The following CDHR2 variants were observed in gnomAD, a reference collection of about 807,000 sequenced individuals.
The protein encoded by CDHR2 is cadherin related family member 2.
In CDHR2, 104 loss-of-function variants were observed where a neutral mutation model predicts 138.6. That is an observed-to-expected ratio of 0.75 (90% CI 0.64 to 0.88). CDHR2 has a LOEUF of 0.88. Among genes scored for constraint, CDHR2 ranks in the 40% least tolerant of loss-of-function variants. CDHR2 has a pLI of 0.00. For missense variants in CDHR2, 1,624 were observed against 1,727.6 expected, an observed-to-expected ratio of 0.94 and a Z score of 1.06; for synonymous variants, 755 against 742.8, an observed-to-expected ratio of 1.02 and a Z score of -0.27.
intron 15 of CDHR2, 109 bp from the exon 16 acceptor site, chr5:176,578,256 T>C: frequency 8.2e-7 from 1 of 1,212,860 alleles, no homozygotes; most frequent in Non-Finnish European, 1.2e-6. Context: ...ATGAATATGT[T>C]GCATATACTG....
intron 24 of CDHR2, 25 bp downstream of exon 24, chr5:176,589,641 A>T (rs899901579): frequency 6.2e-7 from 1 of 1,605,560 alleles, no homozygotes; most frequent in Admixed American, 1.7e-5. Context: ...CCCCGGAGGG[A>T]GGGGTAGGAA....
intron 21 of CDHR2, among the ~76,000 whole-genome samples, chr5:176,588,545 GTGTA>G (rs1184108315): frequency 6.6e-6 from 1 of 151,676 alleles, no homozygotes; most frequent in Non-Finnish European, 1.5e-5. Flanking sequence ...GGGTGAGTGA[GTGTA>G]TGTGTGAGTG....
intron 1 of CDHR2, among the ~76,000 whole-genome samples, chr5:176,560,246 A>G (rs1757934903): frequency 6.6e-6 from 1 of 152,018 alleles, no homozygotes; most frequent in Non-Finnish European, 1.5e-5. Flanking sequence ...AAAATACAAA[A>G]ATTAGCCAGG....
chr5:176,569,033 G>A, intron 5 of CDHR2, 23 bp downstream of exon 5: 1 of 1,613,192 alleles, frequency 6.2e-7, no homozygotes. Context: ...GTGCAGGGGG[G>A]TAGACAGGGA....
chr5:176,565,681 A>G lies in CDHR2; in HGVS notation c.62A>G (p.Asn21Ser). ...LPALVVSVAA[N>S]VAPKFLANMT... is the part of the protein sequence containing the mutation. The stretch of plus-strand genomic sequence containing the variant: ...CACTGTGTCCCTACAGTGGCAGCCA[A>G]CGTGGCCCCGAAGTTCCTAGCCAAC... Residue 21 changes from asparagine (N) to serine (S), a missense_variant, in exon 3 of 32, where the codon AAC becomes AGC. By Grantham distance (46) the Asn-to-Ser change is conservative. Coordinates refer to ENST00000261944, the MANE Select transcript of CDHR2 (RefSeq NM_017675.6). The G allele has an allele frequency of 6.2e-7, 1 of 1,613,784 alleles. No individual in the cohort carries two copies.
intron 17 of CDHR2, among the ~76,000 whole-genome samples, chr5:176,582,280 A>C (rs1758550249): frequency 6.6e-6 from 1 of 152,058 alleles, no homozygotes; most frequent in Admixed American, 6.5e-5. Flanking sequence ...TTGGCCTCCT[A>C]AGTAGCTAAG....
At chr5:176,554,456 G>A (rs936455348) in intron 1 of CDHR2, among the ~76,000 whole-genome samples, 5 of 152,300 alleles carry the variant, frequency 3.3e-5, no homozygotes, top group Admixed American at 6.5e-5. Context: ...CTCATCCCCC[G>A]CTGCCTACCC....
intron 5 of CDHR2, among the ~76,000 whole-genome samples, chr5:176,569,872 A>G (rs1377058888): frequency 6.6e-6 from 1 of 151,718 alleles, no homozygotes; most frequent in East Asian, 2.0e-4. Flanking sequence ...AGGCACAAGA[A>G]TCGCTTGAAC....
At chr5:176,560,194 C>T (rs777010073) in intron 1 of CDHR2, among the ~76,000 whole-genome samples, 3 of 152,070 alleles carry the variant, frequency 2.0e-5, no homozygotes, top group Non-Finnish European at 4.4e-5. Flanking sequence ...GTCAGGAGTT[C>T]GAGACCAGCC....
chr5:176,571,881 C>T (rs1479557713), intron 6 of CDHR2, among the ~76,000 whole-genome samples: 1 of 152,102 alleles, frequency 6.6e-6, no homozygotes, highest in Non-Finnish European at 1.5e-5. Flanking sequence ...TCAGGCATGG[C>T]TAGATCCAGG....
intron 16 of CDHR2, 143 bp from the exon 17 acceptor site, chr5:176,581,199 TG>T: frequency 1.9e-6 from 2 of 1,069,460 alleles, no homozygotes; most frequent in African/African-American, 1.6e-5. Context: ...GATGGGAAAC[TG>T]GGGCTGGGAG....
chr5:176,545,803 C>T (rs1422065376), upstream of CDHR2, among the ~76,000 whole-genome samples: 1 of 152,234 alleles, frequency 6.6e-6, no homozygotes, highest in Non-Finnish European at 1.5e-5. Context: ...GGACCTAGAC[C>T]TGGACCTGGA....
chr5:176,570,066 G>A (rs147040703), intron 5 of CDHR2, among the ~76,000 whole-genome samples: 2 of 152,162 alleles, frequency 1.3e-5, no homozygotes, highest in Admixed American at 6.5e-5. Flanking sequence ...ACTTCTCAGC[G>A]CTGAGGTACA....
intron 17 of CDHR2, 74 bp from the exon 18 acceptor site, chr5:176,584,116 T>G: frequency 9.0e-6 from 11 of 1,219,124 alleles, no homozygotes; most frequent in Non-Finnish European, 1.3e-5. Context: ...AGCACAGGGA[T>G]TATTGGTTTC....
At chr5:176,593,921 G>A (rs1173112923) in intron 31 of CDHR2, among the ~76,000 whole-genome samples, 2 of 152,184 alleles carry the variant, frequency 1.3e-5, no homozygotes, top group Non-Finnish European at 2.9e-5. Flanking sequence ...GCCAGGCAGC[G>A]CTGGAGGCCT....
rs762923216 is a variant in CDHR2 at position 176,581,482 on chromosome 5, T to C, written c.1958T>C (p.Ile653Thr). 1.2e-6 allele frequency: 2 copies of C among 1,614,012 alleles called. No individual in the cohort carries two copies. The highest frequency in any genetic ancestry group is 1.7e-6 in the Non-Finnish European group (2 of 1,180,046). Residue 653 changes from isoleucine (I) to threonine (T), a missense_variant, in exon 17 of 32, where the codon ATC (isoleucine) becomes ACC (threonine). Ile to Thr is a moderately conservative substitution (Grantham distance 89, BLOSUM62 -1). Coordinates refer to ENST00000261944, the MANE Select transcript of CDHR2 (RefSeq NM_017675.6). ...CTGGGGCCCCTGGACAGAGAGGCCA[T>C]CGACCCCGCCCTGGAGGGCCGCATT... is the stretch of plus-strand genomic sequence containing the variant. Reference protein sequence around the residue: ...RNLGPLDREAIDPALEGRIVL... With the variant: ...RNLGPLDREATDPALEGRIVL...
intron 1 of CDHR2, among the ~76,000 whole-genome samples, chr5:176,564,380 G>A (rs1321070660): frequency 3.9e-5 from 6 of 152,148 alleles, no homozygotes; most frequent in Admixed American, 3.9e-4. Context: ...TAGAGACAGG[G>A]TTTCACCATG....
At chr5:176,582,887 A>G (rs1313438624) in intron 17 of CDHR2, among the ~76,000 whole-genome samples, 1 of 152,180 alleles carries the variant, frequency 6.6e-6, no homozygotes, top group Non-Finnish European at 1.5e-5. Flanking sequence ...CCAGCCCACA[A>G]GGCACCTTCC....
At chr5:176,564,921 G>GAA (rs1758044690) in intron 1 of CDHR2, among the ~76,000 whole-genome samples, 1 of 152,130 alleles carries the variant, frequency 6.6e-6, no homozygotes, top group African/African-American at 2.4e-5. Context: ...AGGTATAGAT[G>GAA]GTGCAGTGGT....
Sources: allele counts gnomAD v4.1 joint callset (sites outside exome capture counted in the v4.1 genomes callset), GRCh38; gene constraint gnomAD v4.1.1; transcripts MANE v1.5; gene names NCBI Gene and HGNC (gene_info 2026-07-23, HGNC 2026-07-21).